ARID4B: variants seen among roughly 807,000 people sequenced by gnomAD.
The protein encoded by ARID4B is AT-rich interaction domain 4B, also known as AT-rich interactive domain-containing protein 4B.
A neutral mutation model predicts 147.5 loss-of-function variants in ARID4B; 26 were observed. The observed-to-expected ratio is 0.18, with a 90% confidence interval of 0.13 to 0.24. The LOEUF is 0.24. ARID4B is among the 10% of genes least tolerant of loss of function. The pLI, the probability that ARID4B is intolerant of heterozygous loss-of-function variation, is 1.00. For synonymous variants in ARID4B, 512 were observed against 507.9 expected (o/e 1.01, Z -0.11); for missense variants, 1,179 against 1,511.5 (o/e 0.78, Z 3.65).
intron 2 of ARID4B, among the ~76,000 whole-genome samples, chr1:235,280,235 ATTATT>A (rs67653417): frequency 0.29 from 43,554 of 151,854 alleles, 7,409 homozygotes; most frequent in South Asian, 0.53. Flanking sequence ...ACATTTTAAT[ATTATT>A]TTATTTCCAT....
intron 16 of ARID4B, among the ~76,000 whole-genome samples, chr1:235,215,446 T>A (rs1666995735): frequency 6.6e-6 from 1 of 151,640 alleles, no homozygotes; most frequent in African/African-American, 2.4e-5. Context: ...CTTTAAAAAT[T>A]AATAATATGT....
intron 18 of ARID4B, among the ~76,000 whole-genome samples, 196 bp downstream of exon 18, chr1:235,195,835 G>A (rs1472063822): frequency 6.6e-6 from 1 of 152,096 alleles, no homozygotes; most frequent in Non-Finnish European, 1.5e-5. Flanking sequence ...TGTTGGGACT[G>A]AAAAAGTCTC....
At chr1:235,184,776 T>TTA in intron 19 of ARID4B, among the ~76,000 whole-genome samples, 1 of 152,320 alleles carries the variant, frequency 6.6e-6, no homozygotes, top group South Asian at 2.1e-4. Context: ...CATCTGATAG[T>TTA]TATAGTCATC....
chr1:235,228,025 G>A (rs546910962), intron 11 of ARID4B, among the ~76,000 whole-genome samples: 68 of 151,676 alleles, frequency 4.5e-4, no homozygotes, highest in African/African-American at 1.5e-3. Flanking sequence ...AGTAAGAGAC[G>A]GGGTTTCACC....
intron 2 of ARID4B, among the ~76,000 whole-genome samples, chr1:235,285,664 C>T (rs1354179221): frequency 2.6e-5 from 4 of 152,188 alleles, no homozygotes; most frequent in Non-Finnish European, 5.9e-5. Flanking sequence ...GCTGCCTTTA[C>T]TGACAACATG....
chr1:235,241,184 T>C (rs1377319281), intron 7 of ARID4B, among the ~76,000 whole-genome samples: 1 of 152,168 alleles, frequency 6.6e-6, no homozygotes, highest in Non-Finnish European at 1.5e-5. Flanking sequence ...TTGAATCTGA[T>C]TCTAATAAAG....
intron 2 of ARID4B, among the ~76,000 whole-genome samples, chr1:235,313,221 G>C (rs1480247816): frequency 1.3e-5 from 2 of 152,046 alleles, no homozygotes; most frequent in Non-Finnish European, 2.9e-5. Flanking sequence ...GTAGAGACAA[G>C]GTTTCACCAT....
At chr1:235,186,286 G>GT (rs1664677807) in intron 19 of ARID4B, among the ~76,000 whole-genome samples, 1 of 151,800 alleles carries the variant, frequency 6.6e-6, no homozygotes. Context: ...TGTTTTCATA[G>GT]TTCCCCCTTC....
At chr1:235,208,901 A>T (rs1415704866) in intron 17 of ARID4B, among the ~76,000 whole-genome samples, 1 of 152,210 alleles carries the variant, frequency 6.6e-6, no homozygotes, top group Non-Finnish European at 1.5e-5. Flanking sequence ...ATTTATGAGC[A>T]TACTCCAAAC....
At chr1:235,172,451 G>C (rs1663433435) in intron 23 of ARID4B, among the ~76,000 whole-genome samples, 167 bp downstream of exon 23, 1 of 152,070 alleles carries the variant, frequency 6.6e-6, no homozygotes, top group Non-Finnish European at 1.5e-5. Flanking sequence ...GGTGGTGCAT[G>C]CCTGTAATTC....
intron 19 of ARID4B, among the ~76,000 whole-genome samples, chr1:235,192,800 C>T (rs1471278626): frequency 6.6e-6 from 1 of 152,098 alleles, no homozygotes; most frequent in Non-Finnish European, 1.5e-5. Context: ...AAGCAATAAT[C>T]CCATCATAAA....
intron 7 of ARID4B, among the ~76,000 whole-genome samples, chr1:235,242,563 C>CT (rs1343506823): frequency 6.6e-6 from 1 of 152,138 alleles, no homozygotes; most frequent in African/African-American, 2.4e-5. Flanking sequence ...TATGAACACT[C>CT]TATTATCAGT....
At chr1:235,255,256 TAG>T (rs1298910557) in intron 5 of ARID4B, among the ~76,000 whole-genome samples, 7 of 129,298 alleles carry the variant, frequency 5.4e-5, no homozygotes, top group African/African-American at 2.1e-4. Flanking sequence ...GATAGATAGA[TAG>T]ATAGATATAT....
chr1:235,240,789 C>T lies in ARID4B; in HGVS notation c.447-338G>A, dbSNP rs138535002. On this transcript the variant is annotated intron_variant, in intron 7 of 23. Coordinates refer to ENST00000264183, the MANE Select transcript of ARID4B (RefSeq NM_016374.6). ...GTATTACACTAAAATATACACAATC[C>T]CAATCTCAAATTAAAGGAATTCTGG... Among the ~76,000 whole-genome samples the T allele has an allele frequency of 7.4e-3, 1,127 of 152,078 alleles. 6 individuals carry two copies. Among genetic ancestry groups the T allele is most frequent in the Middle Eastern group, 0.02 (6 of 294 alleles).
chr1:235,302,956 C>T (rs551254478), intron 2 of ARID4B, among the ~76,000 whole-genome samples: 321 of 146,520 alleles, frequency 2.2e-3, no homozygotes, highest in African/African-American at 7.8e-3. Flanking sequence ...GACGGAGTCT[C>T]GCTCTGTCGC....
chr1:235,258,702 GC>G (rs1417966066), intron 3 of ARID4B, among the ~76,000 whole-genome samples: 1 of 152,172 alleles, frequency 6.6e-6, no homozygotes, highest in Non-Finnish European at 1.5e-5. Flanking sequence ...TCAAAAACCA[GC>G]TATGAAAGGA....
At chr1:235,206,854 T>G (rs756642077) in intron 17 of ARID4B, among the ~76,000 whole-genome samples, 1 of 152,208 alleles carries the variant, frequency 6.6e-6, no homozygotes, top group Non-Finnish European at 1.5e-5. Flanking sequence ...TAGGTAACTT[T>G]CAAACAGTTC....
At chr1:235,299,687 C>T (rs896338926) in intron 2 of ARID4B, among the ~76,000 whole-genome samples, 4 of 152,096 alleles carry the variant, frequency 2.6e-5, no homozygotes, top group African/African-American at 7.2e-5. Context: ...TTTTTAAAAG[C>T]GGAGCAGTTC....
intron 2 of ARID4B, among the ~76,000 whole-genome samples, chr1:235,308,673 C>T (rs754038792): frequency 2.0e-5 from 3 of 152,136 alleles, no homozygotes; most frequent in South Asian, 2.1e-4. Flanking sequence ...GACGGGGCTT[C>T]GCTGTGTTGG....
Sources: gnomAD v4.1 joint callset for allele counts (sites outside exome capture counted in the v4.1 genomes callset) on GRCh38, gnomAD v4.1.1 for gene constraint, MANE v1.5 for transcripts, NCBI Gene and HGNC (gene_info 2026-07-23, HGNC 2026-07-21) for gene names.